INTS2: variants seen among roughly 807,000 people sequenced by gnomAD.
INTS2 encodes integrator complex subunit 2.
A neutral mutation model predicts 139.6 loss-of-function variants in INTS2; 57 were observed. The observed-to-expected ratio is 0.41, with a 90% CI of 0.33 to 0.51. The LOEUF is 0.51. Ranked by LOEUF, INTS2 falls within the 20% of genes least tolerant of loss-of-function variation. The pLI is 0.28. For synonymous variants in INTS2, 473 were observed against 493.4 expected, an observed-to-expected ratio of 0.96 and a Z score of 0.55; for missense variants, 1,196 against 1,436.7, an observed-to-expected ratio of 0.83 and a Z score of 2.71.
chr17:61,891,614 T>C lies in INTS2; in HGVS notation c.1774A>G (p.Ile592Val), dbSNP rs541728266. The change falls in exon 14 of 25, where the codon ATA becomes GTA. Residue 592 changes from isoleucine (I) to valine (V), a missense_variant. This residue lies in a region of INTS2 where 1,129 missense variants were observed against 1,341.9 expected (regional missense o/e 0.84). Transcript: ENST00000251334. ...PQLLPLIDVY[I>V]NSILTPASKS... is the part of the protein sequence containing the mutation. ...GACGCAGGAGTAAGTATAGAATTTA[T>C]GTACACATCAATCAAAGGAAGTAAT... 12 of 1,613,408 alleles carry C rather than the reference T, an allele frequency of 7.4e-6. No individual in the cohort carries two copies. In the South Asian group the frequency reaches 1.2e-4, roughly 16 times the overall value.
rs2079105484 is a variant in INTS2, at chr17:61,873,577, T to G, written c.2583-1117A>C. On this transcript the variant is annotated intron_variant, in intron 19 of 24. Coordinates refer to ENST00000251334, the MANE Select transcript of INTS2 (RefSeq NM_001351695.2). This position sits in a 1 kb window ranked among gnomAD's most constrained non-coding sequence, Gnocchi z 4.0. ...AATCATTTTTTCAAGAAACAGCTCT[T>G]TTCTAGAAGTGTTATTTATTGTGGT... 6.6e-6 allele frequency among the ~76,000 whole-genome samples: 1 copy of G among 152,168 alleles called. No homozygotes were observed. Among genetic ancestry groups the G allele is most frequent in the Admixed American group, 6.5e-5 (1 of 15,284 alleles).
chr17:61,894,217 T>A (rs2145931714), intron 12 of INTS2: 1 of 169,100 alleles, frequency 5.9e-6, no homozygotes, highest in South Asian at 1.9e-4. Flanking sequence ...ATCTTCTGAA[T>A]CTTTTTCACA....
In INTS2 at chr17:61,909,779, T is replaced by TTG. The variant is rs1035970358; in HGVS notation, c.954+1739_954+1740dup. On this transcript the variant is annotated intron_variant, in intron 7 of 24. Transcript: ENST00000251334. This position sits in a 1 kb window ranked among gnomAD's most constrained non-coding sequence, Gnocchi z 4.9. ...GAGTTGTATTCCATGGTGTGTGTGTTTGTGTGTGTGTATACATATATACGT... is the reference window on the plus strand; with the variant it reads ...GAGTTGTATTCCATGGTGTGTGTGTTTGTGTGTGTGTGTATACATATATACGT... Among the ~76,000 whole-genome samples the TTG allele has an allele frequency of 7.0e-6, 1 of 142,044 alleles. No individual in the cohort carries two copies. The highest frequency in any genetic ancestry group is 2.6e-5 in the African/African-American group (1 of 38,974). 93.2% of individuals were successfully genotyped at this position (142,044 alleles called of 152,430 possible). A position where few individuals can be genotyped will look rare whatever the true frequency, so the allele number is the denominator to read the frequency against.
At chr17:61,895,773 T>G (rs1004861401) in intron 11 of INTS2, among the ~76,000 whole-genome samples, 1 of 151,944 alleles carries the variant, frequency 6.6e-6, no homozygotes, top group African/African-American at 2.4e-5. Context: ...TAGACACACA[T>G]ACACTTTTTG....
chr17:61,889,944 C>CTT, intron 14 of INTS2, 50 bp from the exon 15 acceptor site: 12 of 1,024,488 alleles, frequency 1.2e-5, no homozygotes, highest in Admixed American at 2.3e-5. Context: ...TTCACGAGTG[C>CTT]TTTTTTTTTT....
At chr17:61,922,581 A>G (rs1057459940) in intron 3 of INTS2, among the ~76,000 whole-genome samples, 4 of 140,544 alleles carry the variant, frequency 2.8e-5, no homozygotes, top group African/African-American at 1.0e-4. Flanking sequence ...TGGAAAAACA[A>G]AGAATTAAAG....
intron 16 of INTS2, among the ~76,000 whole-genome samples, chr17:61,884,058 TA>T (rs1217276657): frequency 1.3e-5 from 2 of 151,610 alleles, no homozygotes; most frequent in African/African-American, 4.8e-5. Context: ...ACAATATTTC[TA>T]CTTAACAGGA....
In INTS2 at chr17:61,870,342, A is replaced by G. The variant is rs2079079245; in HGVS notation, c.2779-354T>C. 6.6e-6 allele frequency among the ~76,000 whole-genome samples: 1 copy of G among 152,224 alleles called. No individual in the cohort carries two copies. The highest frequency in any genetic ancestry group is 1.5e-5 in the Non-Finnish European group (1 of 68,034). On this transcript the variant is annotated intron_variant, in intron 20 of 24. Transcript: ENST00000251334. This position sits in a 1 kb window ranked among gnomAD's most constrained non-coding sequence, Gnocchi z 4.4. ...AGTATCATGAATTCAGTTACATCCA[A>G]AACAGGCCCTAGGCAAAAATGACTT...
rs67714239 is a variant in INTS2, at chr17:61,909,121, C to CTT, written c.955-1489_955-1488dup. On this transcript the variant is annotated intron_variant, in intron 7 of 24. Transcript: ENST00000251334. This position sits in a 1 kb window ranked among gnomAD's most constrained non-coding sequence, Gnocchi z 4.9. ...ATACACACAATGGAATATTATTTTTCTTTTTTTTTGAGACCGAGTCCTGCT... is the reference window on the plus strand; with the variant it reads ...ATACACACAATGGAATATTATTTTTCTTTTTTTTTTTGAGACCGAGTCCTGCT... Among the ~76,000 whole-genome samples, 1 of 151,062 alleles carries CTT rather than the reference C, an allele frequency of 6.6e-6. No homozygotes were observed. The highest frequency in any genetic ancestry group is 1.5e-5 in the Non-Finnish European group (1 of 67,712).
Position 61,901,577 on chromosome 17 carries a change from C to CTTTT in INTS2, c.1307+2879_1307+2882dup, listed in dbSNP as rs55751869. On this transcript the variant is annotated intron_variant, in intron 9 of 24. Coordinates refer to ENST00000251334, the MANE Select transcript of INTS2 (RefSeq NM_001351695.2). ...CAAATCCTAAAAGGCAGAATGATTT[C>CTTTT]TTTTTTTTTTTTTTTTTTTTTTTTT... Among the ~76,000 whole-genome samples, 3 of 49,454 alleles carry CTTTT rather than the reference C, an allele frequency of 6.1e-5. 1 individual carries two copies. The highest frequency in any genetic ancestry group is 2.2e-4 in the African/African-American group (2 of 8,932). The allele number at this position is 49,454 out of a possible 152,430, so 32.4% of individuals were successfully genotyped here.
At chr17:61,913,288 C>T (rs1198827106) in intron 5 of INTS2, among the ~76,000 whole-genome samples, 1 of 151,024 alleles carries the variant, frequency 6.6e-6, no homozygotes, top group Non-Finnish European at 1.5e-5. Flanking sequence ...TTGCCGTGAG[C>T]CGAGCTCATG....
At chr17:61,886,933 C>A (rs1158569536) in intron 15 of INTS2, among the ~76,000 whole-genome samples, 1 of 152,154 alleles carries the variant, frequency 6.6e-6, no homozygotes, top group Non-Finnish European at 1.5e-5. Context: ...TAGATATAAT[C>A]TCCCTTTTAA....
chr17:61,901,019 A>C (rs1419897289), intron 9 of INTS2, among the ~76,000 whole-genome samples: 2 of 152,264 alleles, frequency 1.3e-5, no homozygotes, highest in East Asian at 3.9e-4. Context: ...TCACACCTGT[A>C]GTTACAGCAC....
At position 61,897,734 on chromosome 17, in the gene INTS2, G is replaced by C. The variant is rs1275026388; in HGVS notation, c.1313C>G (p.Pro438Arg). 2.5e-6 allele frequency: 4 copies of C among 1,600,782 alleles called. No individual in the cohort carries two copies. Among genetic ancestry groups the C allele is most frequent in the Non-Finnish European group, 3.4e-6 (4 of 1,171,518 alleles). The change falls in exon 10 of 25, where the codon CCT becomes CGT. Residue 438 changes from proline (P) to arginine (R), a missense_variant. By Grantham distance (103) the Pro-to-Arg change is moderately radical. This residue lies in a region of INTS2 where 1,129 missense variants were observed against 1,341.9 expected (regional missense o/e 0.84). Coordinates refer to ENST00000251334, the MANE Select transcript of INTS2 (RefSeq NM_001351695.2). The surrounding 1 kb of genome is among the most constrained non-coding windows in gnomAD (Gnocchi z 4.4). ...LLAFSTLVST[P>R]EQEQLMVVWL... is the part of the protein sequence containing the mutation. ...CACCACCATCAGCTGCTCCTGTTCAGGTGTACTATATAAAATATACCAGAA... is the reference window on the plus strand; with the variant it reads ...CACCACCATCAGCTGCTCCTGTTCACGTGTACTATATAAAATATACCAGAA...
intron 12 of INTS2, 180 bp from the exon 13 acceptor site, chr17:61,894,079 G>T (rs1603377360): frequency 4.9e-6 from 2 of 405,210 alleles, no homozygotes; most frequent in Non-Finnish European, 8.5e-6. Flanking sequence ...TACATTTAGG[G>T]ATTTATATAA....
chr17:61,891,644 G>A lies in INTS2; in HGVS notation c.1744C>T (p.Pro582Ser). 6.2e-7 allele frequency: 1 copy of A among 1,613,070 alleles called. No homozygotes were observed. The highest frequency in any genetic ancestry group is 1.1e-5 in the South Asian group (1 of 91,050). ...ACATCAATCAAAGGAAGTAATTGAG[G>A]ATGAAGTGGAGTAGAGGTTTCACAC... ...QLCETSTPLH[P>S]QLLPLIDVYI... The change falls in exon 14 of 25, where the codon CCT becomes TCT. Residue 582 changes from proline (P) to serine (S), a missense_variant. Around this residue, in one of 3 missense-constraint regions of INTS2, gnomAD observed 1,129 missense variants for 1,341.9 expected, o/e 0.84. Coordinates refer to ENST00000251334, the MANE Select transcript of INTS2 (RefSeq NM_001351695.2).
chr17:61,897,034 G>C lies in INTS2; in HGVS notation c.1494+435C>G, dbSNP rs1290887844. On this transcript the variant is annotated intron_variant, in intron 11 of 24. Transcript: ENST00000251334. The surrounding 1 kb of genome is among the most constrained non-coding windows in gnomAD (Gnocchi z 4.4). ...TACAGAAACTAGAAAATCTACATGG[G>C]AAATAATAAGGGACCTATTAAGAAG... Among the ~76,000 whole-genome samples, 1 of 151,990 alleles carries C rather than the reference G, an allele frequency of 6.6e-6. No individual in the cohort carries two copies. The highest frequency in any genetic ancestry group is 2.4e-5 in the African/African-American group (1 of 41,390).
intron 11 of INTS2, among the ~76,000 whole-genome samples, chr17:61,895,990 C>T (rs1394731956): frequency 6.6e-6 from 1 of 151,820 alleles, no homozygotes; most frequent in Non-Finnish European, 1.5e-5. Context: ...GCCTGTAATC[C>T]CAGCACTTTG....
At chr17:61,890,706 C>T (rs1045057678) in intron 14 of INTS2, among the ~76,000 whole-genome samples, 1 of 150,726 alleles carries the variant, frequency 6.6e-6, no homozygotes, top group Non-Finnish European at 1.5e-5. Flanking sequence ...ATATCCCACA[C>T]AGTACTTGAT....
Sources: allele counts gnomAD v4.1 joint callset (sites outside exome capture counted in the v4.1 genomes callset), GRCh38; gene constraint gnomAD v4.1.1; regional missense constraint gnomAD v4.1.1; non-coding constraint Gnocchi (gnomAD v3.1); transcripts MANE v1.5; gene names NCBI Gene and HGNC (gene_info 2026-07-23, HGNC 2026-07-21).